NRCAM: variants seen among roughly 807,000 people sequenced by gnomAD.
NRCAM encodes the protein NgCAM-related cell adhesion molecule.
A neutral mutation model predicts 156.5 loss-of-function variants in NRCAM; 83 were observed. The ratio of observed to expected loss-of-function variants is 0.53; its 90% CI spans 0.44 to 0.64. The LOEUF is 0.64. Ranked by LOEUF, NRCAM falls within the 30% of genes least tolerant of loss-of-function variation. The probability of loss-of-function intolerance (pLI) is 0.00; values close to 1 mark genes in which losing one functional copy is unlikely to be tolerated. For missense variants in NRCAM, 1,417 were observed against 1,597.3 expected (o/e 0.89, Z 1.92); for synonymous variants, 538 against 563.9 (o/e 0.95, Z 0.65).
At chr7:108,199,401 T>G (rs754962665) in intron 13 of NRCAM, among the ~76,000 whole-genome samples, 1 of 152,220 alleles carries the variant, frequency 6.6e-6, no homozygotes, top group Non-Finnish European at 1.5e-5. Context: ...ACCACAAATG[T>G]AGTGGCTTAG....
intron 1 of NRCAM, among the ~76,000 whole-genome samples, chr7:108,416,275 T>C (rs1801462409): frequency 6.6e-6 from 1 of 152,200 alleles, no homozygotes; most frequent in African/African-American, 2.4e-5. Flanking sequence ...AAACAGCACA[T>C]TTCTTTTATA....
intron 3 of NRCAM, among the ~76,000 whole-genome samples, chr7:108,256,111 C>T (rs1376052783): frequency 4.6e-5 from 7 of 152,136 alleles, no homozygotes; most frequent in South Asian, 4.1e-4. Flanking sequence ...GGCCGCCACC[C>T]CGTCTGGGAG....
intron 2 of NRCAM, among the ~76,000 whole-genome samples, chr7:108,397,843 C>T (rs1013639245): frequency 6.6e-6 from 1 of 152,068 alleles, no homozygotes; most frequent in African/African-American, 2.4e-5. Context: ...TTTTATCAAA[C>T]TGGAAAGGTC....
chr7:108,150,978 C>G (rs919667539), intron 32 of NRCAM, among the ~76,000 whole-genome samples: 3 of 152,124 alleles, frequency 2.0e-5, no homozygotes, highest in African/African-American at 7.2e-5. Flanking sequence ...GTTAACCCCC[C>G]AGCTCCCTTC....
At chr7:108,324,289 G>C (rs1348132539) in intron 2 of NRCAM, among the ~76,000 whole-genome samples, 1 of 152,162 alleles carries the variant, frequency 6.6e-6, no homozygotes, top group East Asian at 1.9e-4. Context: ...CATGGGTAGA[G>C]TTTCACAGCT....
intron 30 of NRCAM, among the ~76,000 whole-genome samples, chr7:108,165,054 T>C (rs2052982032): frequency 6.6e-6 from 1 of 152,220 alleles, no homozygotes; most frequent in South Asian, 2.1e-4. Context: ...TAAACATTTC[T>C]AACAATTTTA....
chr7:108,388,527 G>A (rs1356276115), intron 2 of NRCAM, among the ~76,000 whole-genome samples: 1 of 152,098 alleles, frequency 6.6e-6, no homozygotes, highest in African/African-American at 2.4e-5. Context: ...CACTCTGATG[G>A]TAGTTTCTTT....
chr7:108,193,534 A>G (rs780662412), intron 17 of NRCAM, among the ~76,000 whole-genome samples: 1 of 152,198 alleles, frequency 6.6e-6, no homozygotes, highest in Non-Finnish European at 1.5e-5. Context: ...GCTCTTTTAA[A>G]TGCTCTACCT....
intron 5 of NRCAM, among the ~76,000 whole-genome samples, chr7:108,237,220 G>C (rs1364151497): frequency 6.6e-6 from 1 of 152,206 alleles, no homozygotes; most frequent in Non-Finnish European, 1.5e-5. Flanking sequence ...GTGAGTGGGA[G>C]CTGCTTATCT....
Position 108,168,382 on chromosome 7 carries a change from TC to T in NRCAM, c.3207del (p.Ile1070SerfsTer25). On this transcript the variant is annotated frameshift_variant, in exon 29 of 33. Coordinates refer to ENST00000379028, the MANE Select transcript of NRCAM (RefSeq NM_001037132.4). LOFTEE classifies it high-confidence loss of function. ...GCAGCTGCAGCAGTAAGATTGCTGA[TC>T]CTGGGATTTACTGCTTGAACTAAAC... ...GAGKVQAVNP[R>X]ISNLTAAAAE... 6.2e-7 allele frequency: 1 copy of T among 1,605,608 alleles called. No homozygotes were observed. Among genetic ancestry groups the T allele is most frequent in the Non-Finnish European group, 8.5e-7 (1 of 1,176,834 alleles).
At chr7:108,233,073 C>T (rs987582686) in intron 6 of NRCAM, among the ~76,000 whole-genome samples, 6 of 152,156 alleles carry the variant, frequency 3.9e-5, no homozygotes, top group African/African-American at 1.4e-4. Flanking sequence ...AGTAACTCTA[C>T]ATAAAACATT....
chr7:108,175,786 T>C (rs1265996009), intron 27 of NRCAM, among the ~76,000 whole-genome samples: 4 of 152,314 alleles, frequency 2.6e-5, no homozygotes, highest in Admixed American at 6.5e-5. Context: ...ATAATTTTCA[T>C]TGAATCTCAA....
intron 28 of NRCAM, among the ~76,000 whole-genome samples, chr7:108,171,730 G>C (rs538387031): frequency 3.9e-5 from 6 of 152,238 alleles, no homozygotes; most frequent in Admixed American, 1.3e-4. Flanking sequence ...TTACCTGCCA[G>C]ATTTCAAGCA....
chr7:108,359,262 G>A (rs2099531722), intron 2 of NRCAM, among the ~76,000 whole-genome samples: 1 of 152,148 alleles, frequency 6.6e-6, no homozygotes, highest in Non-Finnish European at 1.5e-5. Flanking sequence ...TAACCGAAGT[G>A]GGAATCAGAT....
intron 3 of NRCAM, among the ~76,000 whole-genome samples, chr7:108,290,436 C>G (rs558512925): frequency 2.6e-5 from 4 of 152,258 alleles, no homozygotes; most frequent in African/African-American, 9.6e-5. Flanking sequence ...CAACACCATT[C>G]TTATCTGACA....
intron 1 of NRCAM, among the ~76,000 whole-genome samples, chr7:108,443,363 C>T (rs1303262963): frequency 6.6e-6 from 1 of 152,140 alleles, no homozygotes; most frequent in Non-Finnish European, 1.5e-5. Flanking sequence ...TTAGAGTTCA[C>T]AGTATATTCA....
At chr7:108,169,921 G>A (rs556945898) in intron 28 of NRCAM, among the ~76,000 whole-genome samples, 4 of 152,268 alleles carry the variant, frequency 2.6e-5, no homozygotes, top group Non-Finnish European at 4.4e-5. Context: ...ACTAACAGAA[G>A]AGCAAAATAC....
At position 108,346,286 on chromosome 7, in the gene NRCAM, T is replaced by G. The variant is rs1186689824; in HGVS notation, c.-173-33555A>C. On this transcript the variant is annotated intron_variant, in intron 2 of 32. Transcript: ENST00000379028. ...TAATTTTCTTGTTTAAGAATCGAAA[T>G]TTAACTACTGGCAAGACTAAAATTA... Among the ~76,000 whole-genome samples the G allele has an allele frequency of 2.6e-5, 4 of 152,322 alleles. No individual in the cohort carries two copies. The East Asian group carries it at 7.7e-4, about 29-fold the overall frequency.
intron 20 of NRCAM, among the ~76,000 whole-genome samples, chr7:108,188,195 G>C (rs1043676032): frequency 2.6e-5 from 4 of 152,160 alleles, no homozygotes; most frequent in African/African-American, 7.2e-5. Flanking sequence ...GTCTACACAG[G>C]AGGAGTTCTG....
Sources: allele counts gnomAD v4.1 joint callset (sites outside exome capture counted in the v4.1 genomes callset), GRCh38; gene constraint gnomAD v4.1.1; transcripts MANE v1.5; gene names NCBI Gene and HGNC (gene_info 2026-07-23, HGNC 2026-07-21).